The following GNA14 variants were observed in gnomAD, a reference collection of about 807,000 sequenced individuals.
GNA14 encodes the protein G protein subunit alpha 14, also known as guanine nucleotide-binding protein subunit alpha-14.
A neutral mutation model predicts 42.0 loss-of-function variants in GNA14; 50 were observed. The ratio of observed to expected loss-of-function variants is 1.19; its 90% confidence interval spans 0.95 to 1.51. The LOEUF is 1.51. Among genes scored for constraint, GNA14 ranks in the 40% most tolerant of loss-of-function variants. GNA14 has a pLI of 0.00. For synonymous variants in GNA14, 173 were observed against 163.1 expected (o/e 1.06, Z -0.46); for missense variants, 473 against 446.2 (o/e 1.06, Z -0.54).
intron 1 of GNA14, among the ~76,000 whole-genome samples, chr9:77,541,813 G>A (rs78828457): frequency 2.0e-5 from 3 of 151,936 alleles, no homozygotes; most frequent in Non-Finnish European, 2.9e-5. Context: ...TTCTACTTGA[G>A]CAAGTCTACT....
chr9:77,525,069 T>C (rs996382314), intron 2 of GNA14, among the ~76,000 whole-genome samples: 1 of 152,256 alleles, frequency 6.6e-6, no homozygotes, highest in African/African-American at 2.4e-5. Flanking sequence ...GTTCTTACTA[T>C]TCTCAACTGT....
At chr9:77,595,978 A>T (rs1228664737) in intron 1 of GNA14, among the ~76,000 whole-genome samples, 1 of 152,048 alleles carries the variant, frequency 6.6e-6, no homozygotes, top group Admixed American at 6.6e-5. Context: ...GAGATGGCAC[A>T]CTGGGGCTCC....
intron 1 of GNA14, among the ~76,000 whole-genome samples, chr9:77,552,556 A>G (rs978780260): frequency 1.3e-5 from 2 of 152,148 alleles, no homozygotes; most frequent in South Asian, 4.1e-4. Flanking sequence ...TAACAATTGC[A>G]TTCTGCTCTT....
chr9:77,505,032 C>T (rs1357049886), intron 2 of GNA14, among the ~76,000 whole-genome samples: 1 of 152,104 alleles, frequency 6.6e-6, no homozygotes, highest in African/African-American at 2.4e-5. Context: ...ATCATTTGTA[C>T]TCCCCCTTGC....
intron 3 of GNA14, among the ~76,000 whole-genome samples, chr9:77,433,906 C>T (rs778766619): frequency 6.6e-6 from 1 of 152,144 alleles, no homozygotes; most frequent in Non-Finnish European, 1.5e-5. Flanking sequence ...TCCACGGCCC[C>T]GCTGCTCTAA....
intron 2 of GNA14, among the ~76,000 whole-genome samples, chr9:77,527,349 C>CCT (rs943867008): frequency 6.6e-6 from 1 of 152,160 alleles, no homozygotes; most frequent in Non-Finnish European, 1.5e-5. Context: ...TCAGTGTGTG[C>CCT]CTCTCACCTT....
At position 77,647,545 on chromosome 9, in the gene GNA14, G is replaced by C. The variant is rs569245471; in HGVS notation, c.124+125C>G. On this transcript the variant is annotated intron_variant, in intron 1 of 6. Transcript: ENST00000341700. ...TTGCTGGCATCCGTGAGCTCCGAGG[G>C]GGAGAAGGACGAAGCCGCCCTGCAC... The C allele has an allele frequency of 1.5e-3, 1,586 of 1,077,124 alleles. 4 individuals carry two copies. Among genetic ancestry groups the C allele is most frequent in the Non-Finnish European group, 1.8e-3 (1,428 of 772,812 alleles). 66.7% of individuals were successfully genotyped at this position (1,077,124 alleles called of 1,614,324 possible).
At chr9:77,630,959 C>A (rs1049307844) in intron 1 of GNA14, among the ~76,000 whole-genome samples, 1 of 152,056 alleles carries the variant, frequency 6.6e-6, no homozygotes, top group Admixed American at 6.6e-5. Flanking sequence ...TTTTTTTCTG[C>A]CTTAGGATTG....
chr9:77,621,717 G>A (rs1006519960), intron 1 of GNA14, among the ~76,000 whole-genome samples: 1 of 152,196 alleles, frequency 6.6e-6, no homozygotes, highest in East Asian at 1.9e-4. Flanking sequence ...GCTACCTGTA[G>A]ACCATCTACA....
chr9:77,430,183 A>T (rs1191267832), intron 4 of GNA14, among the ~76,000 whole-genome samples: 3 of 152,220 alleles, frequency 2.0e-5, no homozygotes, highest in Non-Finnish European at 4.4e-5. Flanking sequence ...AAGCCATTCT[A>T]TAAAAGCCTC....
At chr9:77,463,724 C>A (rs900719513) in intron 2 of GNA14, among the ~76,000 whole-genome samples, 1 of 152,084 alleles carries the variant, frequency 6.6e-6, no homozygotes, top group Non-Finnish European at 1.5e-5. Context: ...CAGAATCATG[C>A]CAGGTTCAAT....
chr9:77,510,064 A>C (rs565390531), intron 2 of GNA14, among the ~76,000 whole-genome samples: 4 of 152,332 alleles, frequency 2.6e-5, no homozygotes, highest in Non-Finnish European at 5.9e-5. Flanking sequence ...AATAATTTTT[A>C]GAGCATTTTC....
intron 1 of GNA14, among the ~76,000 whole-genome samples, chr9:77,628,839 A>G (rs962853764): frequency 4.6e-5 from 7 of 152,326 alleles, no homozygotes; most frequent in Admixed American, 3.3e-4. Flanking sequence ...CAAAGACTTC[A>G]TGACTAAAGC....
chr9:77,553,022 G>A (rs1837804479), intron 1 of GNA14, among the ~76,000 whole-genome samples: 1 of 152,138 alleles, frequency 6.6e-6, no homozygotes, highest in Admixed American at 6.5e-5. Flanking sequence ...TTACCTAATG[G>A]TGACATGACC....
chr9:77,564,666 C>G (rs1179493221), intron 1 of GNA14, among the ~76,000 whole-genome samples: 2 of 151,862 alleles, frequency 1.3e-5, no homozygotes, highest in East Asian at 1.9e-4. Flanking sequence ...AACCCTGTCT[C>G]TACTAAAAAT....
At chr9:77,444,534 G>A (rs1835783978) in intron 2 of GNA14, among the ~76,000 whole-genome samples, 1 of 152,144 alleles carries the variant, frequency 6.6e-6, no homozygotes, top group Admixed American at 6.5e-5. Flanking sequence ...GTCTTTGCAG[G>A]TTCCAGCCTG....
At chr9:77,479,336 T>C (rs1316603262) in intron 2 of GNA14, among the ~76,000 whole-genome samples, 2 of 152,202 alleles carry the variant, frequency 1.3e-5, no homozygotes, top group Non-Finnish European at 2.9e-5. Context: ...TGGTTGTAGA[T>C]ATGCGGCATT....
intron 1 of GNA14, among the ~76,000 whole-genome samples, chr9:77,638,863 C>T (rs1404501073): frequency 6.6e-6 from 1 of 152,154 alleles, no homozygotes; most frequent in Non-Finnish European, 1.5e-5. Flanking sequence ...AGAGACAATG[C>T]TGGCAGATGG....
At chr9:77,601,610 A>G (rs1253946585) in intron 1 of GNA14, among the ~76,000 whole-genome samples, 8 of 152,232 alleles carry the variant, frequency 5.3e-5, no homozygotes, top group Admixed American at 3.3e-4. Flanking sequence ...CAGGAAATGG[A>G]ATGAAAATCA....
Sources: gnomAD v4.1 joint callset for allele counts (sites outside exome capture counted in the v4.1 genomes callset) on GRCh38, gnomAD v4.1.1 for gene constraint, MANE v1.5 for transcripts, NCBI Gene and HGNC (gene_info 2026-07-23, HGNC 2026-07-21) for gene names.